Variants in MOXD1 observed in about 807,000 individuals in gnomAD.
MOXD1 encodes DBH-like monooxygenase protein 1.
In MOXD1, 62 loss-of-function variants were observed where a neutral mutation model predicts 66.6. That is an observed-to-expected ratio of 0.93 (90% CI 0.76 to 1.15). The LOEUF is 1.15. Among genes scored for constraint, MOXD1 ranks in the 50% most tolerant of loss-of-function variants. The probability of loss-of-function intolerance (pLI) is 0.00; values close to 1 mark genes in which losing one functional copy is unlikely to be tolerated. For synonymous variants in MOXD1, 303 were observed against 281.9 expected, an observed-to-expected ratio of 1.07 and a Z score of -0.75; for missense variants, 847 against 754.6, an observed-to-expected ratio of 1.12 and a Z score of -1.44.
At position 132,385,005 on chromosome 6, in the gene MOXD1, T is replaced by C. The variant is rs556297910; in HGVS notation, c.265-10228A>G. On this transcript the variant is annotated intron_variant, in intron 1 of 11. Transcript: ENST00000367963. ...CTGCAGGTTCAAGCTTGAGTGGTAG[T>C]ATCACTGGAGAGAGGTGGGCAGGTG... Among the ~76,000 whole-genome samples the C allele has an allele frequency of 3.3e-5, 5 of 152,284 alleles. No individual in the cohort carries two copies. In the South Asian group the frequency reaches 8.3e-4, roughly 25 times the overall value.
chr6:132,372,766 A>C, intron 3 of MOXD1, 64 bp downstream of exon 3: 2 of 1,609,522 alleles, frequency 1.2e-6, no homozygotes, highest in Non-Finnish European at 1.7e-6. Context: ...TAATGTAAGC[A>C]AAAATGCTCG....
chr6:132,350,847 G>A (rs1775786769), intron 4 of MOXD1, among the ~76,000 whole-genome samples: 2 of 151,990 alleles, frequency 1.3e-5, no homozygotes, highest in African/African-American at 4.8e-5. Flanking sequence ...GGCCTCTTTG[G>A]TTAGGTATAT....
chr6:132,297,162 C>G lies in MOXD1; in HGVS notation c.1833G>C (p.Lys611Asn), dbSNP rs1357284393. 3 of 1,613,188 alleles carry G rather than the reference C, an allele frequency of 1.9e-6. No individual in the cohort carries two copies. Among genetic ancestry groups the G allele is most frequent in the Admixed American group, 3.3e-5 (2 of 59,864 alleles). ...LLLLSCTLST[K>N]SL ...TCCAACAGAATTTTGATCACAAGCT[C>G]TTGGTGCTCAGCGTGCAGCTGAGTA... is the stretch of plus-strand genomic sequence containing the variant. Residue 611 changes from lysine to asparagine, a missense_variant, in exon 12 of 12, where the codon AAG becomes AAC. Lys to Asn is a moderately conservative substitution (Grantham distance 94, BLOSUM62 0). Transcript: ENST00000367963.
At position 132,328,103 on chromosome 6, in the gene MOXD1, G is replaced by C. The variant is rs762938062; in HGVS notation, c.856C>G (p.Pro286Ala). 4.3e-6 allele frequency: 7 copies of C among 1,613,266 alleles called. No individual in the cohort carries two copies. The highest frequency in any genetic ancestry group is 5.1e-6 in the Non-Finnish European group (6 of 1,179,360). Reference sequence around the variant, plus strand: ...CCAAGGGATAATCCAACATGAGGTGGATAAGAAAAGCCCTAAATATGGAAA... The same window carrying C: ...CCAAGGGATAATCCAACATGAGGTGCATAAGAAAAGCCCTAAATATGGAAA... ...WAIGGEGFSYPPHVGLSLGTP... is the reference protein window; with the variant it reads ...WAIGGEGFSYAPHVGLSLGTP... Residue 286 changes from proline (P) to alanine (A), a missense_variant, in exon 6 of 12, where the codon CCA becomes GCA. By Grantham distance (27) the Pro-to-Ala change is conservative. Coordinates refer to ENST00000367963, the MANE Select transcript of MOXD1 (RefSeq NM_015529.4).
At chr6:132,399,831 C>T (rs1461124983) in intron 1 of MOXD1, among the ~76,000 whole-genome samples, 1 of 152,124 alleles carries the variant, frequency 6.6e-6, no homozygotes, top group Non-Finnish European at 1.5e-5. Context: ...CTTTATATTA[C>T]AGGAGAATGA....
chr6:132,344,311 A>C (rs1237427608), intron 4 of MOXD1, among the ~76,000 whole-genome samples: 1 of 152,198 alleles, frequency 6.6e-6, no homozygotes, highest in Non-Finnish European at 1.5e-5. Context: ...CCTACCACAC[A>C]AGGTGATCAT....
At chr6:132,382,894 A>G (rs1776540141) in intron 1 of MOXD1, among the ~76,000 whole-genome samples, 1 of 152,308 alleles carries the variant, frequency 6.6e-6, no homozygotes, top group Non-Finnish European at 1.5e-5. Context: ...CAGATGTTAA[A>G]TTGGTTCTCA....
At chr6:132,399,933 T>A (rs368585542) in intron 1 of MOXD1, among the ~76,000 whole-genome samples, 8 of 152,370 alleles carry the variant, frequency 5.3e-5, no homozygotes, top group African/African-American at 9.6e-5. Flanking sequence ...TATTTATACA[T>A]CAGTGACTTC....
At position 132,389,186 on chromosome 6, in the gene MOXD1, G is replaced by A. The variant is rs184070013; in HGVS notation, c.264+11977C>T. ...CCTGAGTAGCTAGGATTATAAGCAT[G>A]AGCCACTGTGCCCAGCCCTCACTAT... On this transcript the variant is annotated intron_variant, in intron 1 of 11. Coordinates refer to ENST00000367963, the MANE Select transcript of MOXD1 (RefSeq NM_015529.4). Among the ~76,000 whole-genome samples, 276 of 151,374 alleles carry A rather than the reference G, an allele frequency of 1.8e-3. 3 individuals are homozygous for A. The highest frequency in any genetic ancestry group is 6.3e-3 in the African/African-American group (260 of 41,454).
At chr6:132,397,634 GACAGAAAGAAAGAA>G (rs1242299035) in intron 1 of MOXD1, among the ~76,000 whole-genome samples, 302 of 115,740 alleles carry the variant, frequency 2.6e-3, no homozygotes, top group African/African-American at 4.9e-3. Flanking sequence ...GAGAGAGAGA[GACAGAAAGAAAGAA>G]AGAAAGAAAG....
Position 132,322,699 on chromosome 6 carries a change from C to T in MOXD1, c.1285G>A (p.Glu429Lys). Residue 429 changes from glutamate (E) to lysine (K), a missense_variant, in exon 8 of 12, where the codon GAA becomes AAA. Transcript: ENST00000367963. ...FNFQEFQYLKEEQTILPGDNL... is the reference protein window; with the variant it reads ...FNFQEFQYLKKEQTILPGDNL... ...CATACTGGTAAGATTGTTTGTTCTT[C>T]CTTTAGATACTGAAACTCCTGGAAA... 1 of 1,613,684 alleles carries T rather than the reference C, an allele frequency of 6.2e-7. No individual in the cohort carries two copies. The highest frequency in any genetic ancestry group is 8.5e-7 in the Non-Finnish European group (1 of 1,179,782).
At chr6:132,308,434 C>A (rs1364160201) in intron 10 of MOXD1, among the ~76,000 whole-genome samples, 1 of 152,210 alleles carries the variant, frequency 6.6e-6, no homozygotes, top group East Asian at 1.9e-4. Context: ...TGAATTCTAC[C>A]AGAAATACAA....
chr6:132,398,082 C>G (rs1321844498), intron 1 of MOXD1, among the ~76,000 whole-genome samples: 1 of 152,170 alleles, frequency 6.6e-6, no homozygotes, highest in South Asian at 2.1e-4. Flanking sequence ...TATTGTCTAT[C>G]ATTCCACACT....
chr6:132,328,426 T>C lies in MOXD1; in HGVS notation c.832A>G (p.Ile278Val), dbSNP rs148803041. The C allele has an allele frequency of 1.9e-4, 300 of 1,613,962 alleles. No individual in the cohort carries two copies. The highest frequency in any genetic ancestry group is 3.1e-4 in the African/African-American group (23 of 74,898). ...TCETVIFAWA[I>V]GGEGFSYPPH... ...ATCATTAGCCCCACCTCTCCACCAA[T>C]AGCCCAGGCAAAAATCACAGTTTCA... Residue 278 changes from isoleucine to valine, a missense_variant, in exon 5 of 12, where the codon ATT becomes GTT. Ile to Val is a conservative substitution (Grantham distance 29, BLOSUM62 3). Transcript: ENST00000367963.
intron 4 of MOXD1, among the ~76,000 whole-genome samples, chr6:132,359,980 G>A (rs1775985027): frequency 6.6e-6 from 1 of 152,070 alleles, no homozygotes; most frequent in South Asian, 2.1e-4. Context: ...GTAACTGCAG[G>A]GATTCTGCAT....
intron 4 of MOXD1, among the ~76,000 whole-genome samples, chr6:132,333,552 T>C (rs1436143314): frequency 6.6e-6 from 1 of 152,226 alleles, no homozygotes; most frequent in Non-Finnish European, 1.5e-5. Context: ...TTGGTATTCC[T>C]GACACTGGAA....
intron 4 of MOXD1, among the ~76,000 whole-genome samples, chr6:132,336,198 G>A (rs1775431514): frequency 1.3e-5 from 2 of 152,278 alleles, no homozygotes; most frequent in East Asian, 1.9e-4. Context: ...AATCTGTAAT[G>A]AGCTGGAAAT....
chr6:132,389,548 C>T (rs1776714041), intron 1 of MOXD1, among the ~76,000 whole-genome samples: 1 of 151,564 alleles, frequency 6.6e-6, no homozygotes, highest in African/African-American at 2.4e-5. Context: ...GTGTCCACCT[C>T]CCAAGGATTG....
chr6:132,307,131 G>A (rs554846428), intron 10 of MOXD1, among the ~76,000 whole-genome samples: 18 of 152,186 alleles, frequency 1.2e-4, no homozygotes, highest in African/African-American at 4.1e-4. Flanking sequence ...CGCATCTCAC[G>A]TGCAGAGACA....
Sources: gnomAD v4.1 joint callset for allele counts (sites outside exome capture counted in the v4.1 genomes callset) on GRCh38, gnomAD v4.1.1 for gene constraint, MANE v1.5 for transcripts, NCBI Gene and HGNC (gene_info 2026-07-23, HGNC 2026-07-21) for gene names.